MMP26: variants seen among roughly 807,000 people sequenced by gnomAD.
MMP26 encodes matrix metalloproteinase-26.
Under a neutral mutation model 31.0 loss-of-function variants are expected in MMP26, and 33 were observed. The ratio of observed to expected loss-of-function variants is 1.06; its 90% CI spans 0.81 to 1.42. The LOEUF (loss-of-function observed/expected upper bound fraction) is 1.42. Ranked by LOEUF, MMP26 falls within the 40% of genes most tolerant of loss-of-function variation. MMP26 has a pLI of 0.00. For synonymous variants in MMP26, 122 were observed against 114.9 expected, an observed-to-expected ratio of 1.06 and a Z score of -0.40; for missense variants, 347 against 316.1, an observed-to-expected ratio of 1.10 and a Z score of -0.74.
intron 2 of MMP26, among the ~76,000 whole-genome samples, chr11:4,901,148 G>GTTTTT (rs1564803204): frequency 1.3e-5 from 1 of 76,060 alleles, no homozygotes; most frequent in African/African-American, 4.5e-5. Context: ...ACCTCTTTGT[G>GTTTTT]CTTTTTTTTT....
At chr11:4,796,268 C>T (rs1849107437) in intron 2 of MMP26, among the ~76,000 whole-genome samples, 1 of 152,182 alleles carries the variant, frequency 6.6e-6, no homozygotes, top group African/African-American at 2.4e-5. Flanking sequence ...GTTTATCAAT[C>T]TAATGAATTA....
intron 2 of MMP26, among the ~76,000 whole-genome samples, chr11:4,820,149 T>C (rs942104093): frequency 6.6e-6 from 1 of 152,180 alleles, no homozygotes; most frequent in African/African-American, 2.4e-5. Flanking sequence ...ATTCCTTTTA[T>C]GCATTCCTCA....
intron 1 of MMP26, among the ~76,000 whole-genome samples, chr11:4,748,787 C>T (rs1848413041): frequency 6.6e-6 from 1 of 151,762 alleles, no homozygotes; most frequent in African/African-American, 2.4e-5. Context: ...ATAGAAGGAA[C>T]ATACCTGAAA....
At position 4,827,602 on chromosome 11, in the gene MMP26, C is replaced by T. The variant is rs575357227; in HGVS notation, c.-145+60261C>T. On this transcript the variant is annotated intron_variant, in intron 2 of 7. Coordinates refer to ENST00000380390, the MANE Select transcript of MMP26 (RefSeq NM_021801.5). The stretch of plus-strand genomic sequence containing the variant: ...ATATTTATTATTTCTAAGTTTACAC[C>T]CTTTTATGTTAAAATGGTGATATTA... Among the ~76,000 whole-genome samples the T allele has an allele frequency of 4.6e-5, 7 of 151,546 alleles. No homozygotes were observed. The East Asian group carries it at 1.4e-3, about 29-fold the overall frequency.
chr11:4,873,870 G>C lies in MMP26; in HGVS notation c.-145+106529G>C, dbSNP rs181298735. On this transcript the variant is annotated intron_variant, in intron 2 of 7. Coordinates refer to ENST00000380390, the MANE Select transcript of MMP26 (RefSeq NM_021801.5). ...TAAGTAACTTGTTCAAGGTCATAGA[G>C]CTAAGATTCAAACCCCAGAGCCTTT... is the stretch of plus-strand genomic sequence containing the variant. 3.1e-3 allele frequency among the ~76,000 whole-genome samples: 465 copies of C among 152,164 alleles called. 5 individuals carry two copies. Among genetic ancestry groups the C allele is most frequent in the African/African-American group, 0.01 (430 of 41,538 alleles).
intron 2 of MMP26, chr11:4,924,452 T>G: frequency 1.8e-6 from 2 of 1,087,784 alleles, no homozygotes; most frequent in Non-Finnish European, 1.3e-6. Flanking sequence ...TAAGGAAGCA[T>G]CTGCAGATGG....
chr11:4,771,796 A>G (rs1279364379), intron 2 of MMP26, among the ~76,000 whole-genome samples: 1 of 152,228 alleles, frequency 6.6e-6, no homozygotes, highest in East Asian at 1.9e-4. Context: ...GAGAAACATT[A>G]TGAAAATATT....
At chr11:4,967,220 A>G (rs868508413) in intron 2 of MMP26, among the ~76,000 whole-genome samples, 2 of 152,206 alleles carry the variant, frequency 1.3e-5, no homozygotes, top group Middle Eastern at 3.2e-3. Flanking sequence ...GTGGTACTCA[A>G]TAAGGGAGTA....
intron 2 of MMP26, chr11:4,795,203 C>T (rs1488365589): frequency 1.3e-5 from 2 of 152,188 alleles, no homozygotes; most frequent in Admixed American, 1.3e-4. Flanking sequence ...ATATTAAATA[C>T]AGCAGCCACA....
intron 2 of MMP26, among the ~76,000 whole-genome samples, chr11:4,823,300 A>C (rs1299627024): frequency 6.6e-6 from 1 of 152,162 alleles, no homozygotes; most frequent in Non-Finnish European, 1.5e-5. Flanking sequence ...ATCTCTTCTA[A>C]CAAAGTTGCT....
intron 1 of MMP26, among the ~76,000 whole-genome samples, chr11:4,763,161 A>G (rs1405279141): frequency 6.6e-6 from 1 of 152,222 alleles, no homozygotes; most frequent in Non-Finnish European, 1.5e-5. Flanking sequence ...AGAATGGTGA[A>G]GCAGGCAGTG....
At position 4,969,986 on chromosome 11, in the gene MMP26, T is replaced by C. The variant is rs192036683; in HGVS notation, c.-144-18082T>C. 3.6e-3 allele frequency among the ~76,000 whole-genome samples: 549 copies of C among 152,338 alleles called. 2 individuals are homozygous for C. Among genetic ancestry groups the C allele is most frequent in the Middle Eastern group, 0.024 (7 of 294 alleles). On this transcript the variant is annotated intron_variant, in intron 2 of 7. Transcript: ENST00000380390. ...ATTTGAATAAAGCTCCTTTAAGGTA[T>C]TTTATAAACTAATTTGGTAATACTA...
chr11:4,777,729 C>T (rs1377470125), intron 2 of MMP26, among the ~76,000 whole-genome samples: 1 of 152,056 alleles, frequency 6.6e-6, no homozygotes, highest in Non-Finnish European at 1.5e-5. Flanking sequence ...TTTATATTAA[C>T]ATTGTGTCTG....
chr11:4,781,904 G>T (rs1175577441), intron 2 of MMP26, among the ~76,000 whole-genome samples: 2 of 152,174 alleles, frequency 1.3e-5, no homozygotes, highest in Non-Finnish European at 2.9e-5. Flanking sequence ...CTATTTGCCT[G>T]CTGCCTTCCA....
intron 1 of MMP26, among the ~76,000 whole-genome samples, chr11:4,712,804 G>GT (rs140292103): frequency 0.087 from 13,007 of 150,346 alleles, 1,027 homozygotes; most frequent in African/African-American, 0.21. Context: ...TTATTTCTAA[G>GT]TTTTTTTTTC....
At chr11:4,963,962 AT>A (rs979738196) in intron 2 of MMP26, among the ~76,000 whole-genome samples, 2 of 151,576 alleles carry the variant, frequency 1.3e-5, no homozygotes, top group East Asian at 1.9e-4. Context: ...AAGGGGGTTG[AT>A]TTTTTTCTTG....
At chr11:4,923,546 C>A (rs144368692) in intron 2 of MMP26, 3 of 1,613,936 alleles carry the variant, frequency 1.9e-6, no homozygotes, top group Non-Finnish European at 2.5e-6. Flanking sequence ...TTCACCAAAG[C>A]GATGCACAAG....
chr11:4,735,718 A>C (rs61883470), intron 1 of MMP26, among the ~76,000 whole-genome samples: 4 of 152,348 alleles, frequency 2.6e-5, no homozygotes, highest in Non-Finnish European at 4.4e-5. Flanking sequence ...AAATGAAAGA[A>C]TGAATCAGTG....
intron 2 of MMP26, among the ~76,000 whole-genome samples, chr11:4,800,587 G>C (rs968214916): frequency 6.6e-6 from 1 of 152,132 alleles, no homozygotes; most frequent in African/African-American, 2.4e-5. Context: ...TTAGCACTTG[G>C]CTTCTTTATA....
Sources: gnomAD v4.1 joint callset for allele counts (sites outside exome capture counted in the v4.1 genomes callset) on GRCh38, gnomAD v4.1.1 for gene constraint, MANE v1.5 for transcripts, NCBI Gene and HGNC (gene_info 2026-07-23, HGNC 2026-07-21) for gene names.